Variants in SUGCT observed in about 807,000 individuals in gnomAD.
SUGCT encodes the protein succinyl-CoA:glutarate-CoA transferase, also known as succinyl-CoA:glutarate CoA-transferase.
Under a neutral mutation model 55.0 loss-of-function variants are expected in SUGCT, and 41 were observed. That is an observed-to-expected ratio of 0.74 (90% CI 0.58 to 0.97). SUGCT has a LOEUF of 0.97. Ranked by LOEUF, SUGCT falls within the 50% of genes least tolerant of loss-of-function variation. SUGCT has a pLI of 0.00. For missense variants in SUGCT, 568 were observed against 547.8 expected (o/e 1.04, Z -0.37); for synonymous variants, 187 against 200.4 (o/e 0.93, Z 0.56).
At chr7:40,916,280 AC>A in the SUGCT span, among the ~76,000 whole-genome samples, 1 of 151,918 alleles carries the variant, frequency 6.6e-6, no homozygotes, top group African/African-American at 2.4e-5. Context: ...GTATGGGTCC[AC>A]TTACAGCTCT....
chr7:41,012,156 C>T, the SUGCT span, among the ~76,000 whole-genome samples: 12 of 152,160 alleles, frequency 7.9e-5, no homozygotes, highest in Non-Finnish European at 1.8e-4. Context: ...AGCCTTTTCC[C>T]AGGGCCTGTA....
At chr7:40,676,695 GTT>G (rs1012376470) in intron 12 of SUGCT, among the ~76,000 whole-genome samples, 1 of 151,842 alleles carries the variant, frequency 6.6e-6, no homozygotes, top group African/African-American at 2.4e-5. Flanking sequence ...TAGAGACGGG[GTT>G]TCACCATGTT....
chr7:40,149,253 G>T (rs1235957054), intron 1 of SUGCT, among the ~76,000 whole-genome samples: 1 of 152,058 alleles, frequency 6.6e-6, no homozygotes, highest in East Asian at 1.9e-4. Flanking sequence ...TCCTGAAACC[G>T]CCTTTGCAAA....
At chr7:40,571,045 GT>G (rs2151688212) in intron 12 of SUGCT, among the ~76,000 whole-genome samples, 2 of 151,888 alleles carry the variant, frequency 1.3e-5, no homozygotes, top group South Asian at 4.2e-4. Context: ...TTTTATAAAT[GT>G]ACCACTTTCT....
chr7:40,630,083 T>C (rs1799719189), intron 12 of SUGCT, among the ~76,000 whole-genome samples: 1 of 152,224 alleles, frequency 6.6e-6, no homozygotes, highest in Non-Finnish European at 1.5e-5. Flanking sequence ...GGAACACTCC[T>C]CACTTCCTCC....
At chr7:40,687,624 T>G (rs6965055) in intron 12 of SUGCT, among the ~76,000 whole-genome samples, 47,715 of 152,006 alleles carry the variant, frequency 0.31, 7,743 homozygotes, top group African/African-American at 0.41. Flanking sequence ...ACTGGAATGG[T>G]TATACCCGCA....
intron 9 of SUGCT, among the ~76,000 whole-genome samples, chr7:40,437,760 C>T (rs375199965): frequency 1.3e-5 from 2 of 152,166 alleles, no homozygotes; most frequent in South Asian, 2.1e-4. Flanking sequence ...ATTCTCATGG[C>T]GGTAAGTTAA....
At chr7:40,922,911 A>G in the SUGCT span, among the ~76,000 whole-genome samples, 1 of 152,186 alleles carries the variant, frequency 6.6e-6, no homozygotes, top group Non-Finnish European at 1.5e-5. Context: ...ATACCAAGTA[A>G]TTACTAATAG....
chr7:41,007,161 A>G, the SUGCT span, among the ~76,000 whole-genome samples: 1 of 151,964 alleles, frequency 6.6e-6, no homozygotes, highest in Non-Finnish European at 1.5e-5. Context: ...TTTTATTTCC[A>G]TTTTAACTTT....
At chr7:40,933,486 C>G in the SUGCT span, among the ~76,000 whole-genome samples, 1 of 152,278 alleles carries the variant, frequency 6.6e-6, no homozygotes, top group South Asian at 2.1e-4. Context: ...GCCTGCCTTG[C>G]TAGGTTGGGG....
chr7:40,331,535 G>T (rs972199067), intron 9 of SUGCT, among the ~76,000 whole-genome samples: 1 of 152,164 alleles, frequency 6.6e-6, no homozygotes, highest in Non-Finnish European at 1.5e-5. Flanking sequence ...CTGGCACATA[G>T]CATATGTTCA....
chr7:40,392,630 C>T (rs923077054), intron 9 of SUGCT, among the ~76,000 whole-genome samples: 25 of 152,010 alleles, frequency 1.6e-4, no homozygotes, highest in Admixed American at 2.6e-4. Context: ...CAGAGAGATA[C>T]TGACAGGTTT....
chr7:40,453,737 C>T (rs889390589), intron 10 of SUGCT, among the ~76,000 whole-genome samples: 4 of 152,168 alleles, frequency 2.6e-5, no homozygotes, highest in African/African-American at 9.7e-5. Flanking sequence ...CCCAGTGGCT[C>T]ATAATATAAT....
chr7:40,969,201 C>T, the SUGCT span, among the ~76,000 whole-genome samples: 1 of 152,332 alleles, frequency 6.6e-6, no homozygotes, highest in South Asian at 2.1e-4. Context: ...TATCAGTCCT[C>T]ATGTTACATG....
In SUGCT at chr7:40,578,143, C is replaced by T. The variant is rs528496789; in HGVS notation, c.1089+81757C>T. Among the ~76,000 whole-genome samples the T allele has an allele frequency of 7.2e-5, 11 of 152,236 alleles. No homozygotes were observed. In the East Asian group the frequency reaches 7.7e-4, roughly 11 times the overall value. On this transcript the variant is annotated intron_variant, in intron 12 of 13. Transcript: ENST00000335693. ...CACAGATTGCGGGGCCTCACCCCAGCGTTTCTGATGCCGTAGGACCATTCT... is the reference window on the plus strand; with the variant it reads ...CACAGATTGCGGGGCCTCACCCCAGTGTTTCTGATGCCGTAGGACCATTCT...
intron 11 of SUGCT, among the ~76,000 whole-genome samples, chr7:40,487,329 A>G (rs1480292127): frequency 3.6e-5 from 5 of 140,160 alleles, no homozygotes; most frequent in African/African-American, 1.4e-4. Flanking sequence ...CTGGTCTCGA[A>G]CTCCTGACCA....
At chr7:40,167,035 C>T (rs947481196) in intron 1 of SUGCT, among the ~76,000 whole-genome samples, 3 of 152,266 alleles carry the variant, frequency 2.0e-5, no homozygotes, top group East Asian at 3.9e-4. Context: ...TCAGCCATTC[C>T]GCTAAGTATT....
chr7:40,708,357 G>A (rs946957298), intron 12 of SUGCT, among the ~76,000 whole-genome samples: 1 of 152,178 alleles, frequency 6.6e-6, no homozygotes, highest in African/African-American at 2.4e-5. Flanking sequence ...TGTACATCCT[G>A]CAGGGCCTGT....
chr7:40,875,670 C>T, the SUGCT span, among the ~76,000 whole-genome samples: 1 of 152,196 alleles, frequency 6.6e-6, no homozygotes. Context: ...AAGTGCATTC[C>T]TAATGTAGAC....
Sources: allele counts gnomAD v4.1 joint callset (sites outside exome capture counted in the v4.1 genomes callset), GRCh38; gene constraint gnomAD v4.1.1; transcripts MANE v1.5; gene names NCBI Gene and HGNC (gene_info 2026-07-23, HGNC 2026-07-21).